Variants in SLC36A1 observed in about 807,000 individuals in gnomAD.
The protein encoded by SLC36A1 is proton-coupled amino acid transporter 1.
A neutral mutation model predicts 47.5 loss-of-function variants in SLC36A1; 30 were observed. The ratio of observed to expected loss-of-function variants is 0.63; its 90% CI spans 0.47 to 0.86. The LOEUF is 0.86. Ranked by LOEUF, SLC36A1 falls within the 40% of genes least tolerant of loss-of-function variation. The pLI is 0.00. For synonymous variants in SLC36A1, 255 were observed against 249.7 expected (o/e 1.02, Z -0.20); for missense variants, 517 against 606.0 (o/e 0.85, Z 1.54).
the SLC36A1 span, among the ~76,000 whole-genome samples, chr5:151,503,468 A>T: frequency 1.3e-5 from 2 of 149,830 alleles, no homozygotes; most frequent in East Asian, 3.9e-4. Context: ...CTTGGAATCA[A>T]ACCTGTTCAA....
intron 7 of SLC36A1, among the ~76,000 whole-genome samples, chr5:151,473,223 T>TAGAA (rs57145322): frequency 0.11 from 14,508 of 133,958 alleles, 1,485 homozygotes; most frequent in Middle Eastern, 0.14. Flanking sequence ...GATAGATAGA[T>TAGAA]AGAATATATA....
the SLC36A1 span, among the ~76,000 whole-genome samples, chr5:151,367,052 A>G: frequency 6.6e-6 from 1 of 152,200 alleles, no homozygotes; most frequent in Admixed American, 6.5e-5. Flanking sequence ...GGGAACAGGA[A>G]AAAGGGCAAA....
chr5:151,514,967 A>AGAT, the SLC36A1 span, among the ~76,000 whole-genome samples: 4 of 152,174 alleles, frequency 2.6e-5, no homozygotes, highest in Non-Finnish European at 5.9e-5. Flanking sequence ...CCTTCTTTAC[A>AGAT]GATGATAATC....
At chr5:151,348,726 T>C in the SLC36A1 span, among the ~76,000 whole-genome samples, 1 of 152,228 alleles carries the variant, frequency 6.6e-6, no homozygotes. Flanking sequence ...GCTTTGTTAG[T>C]TTGTTTTTAC....
chr5:151,553,247 G>T, the SLC36A1 span: 1 of 1,614,226 alleles, frequency 6.2e-7, no homozygotes, highest in Non-Finnish European at 8.5e-7. Flanking sequence ...GGTTCACAGG[G>T]TCCGTCTCCA....
At chr5:151,348,119 C>T in the SLC36A1 span, among the ~76,000 whole-genome samples, 1 of 152,208 alleles carries the variant, frequency 6.6e-6, no homozygotes, top group South Asian at 2.1e-4. Context: ...AAGGGACAGT[C>T]ACTCAGTCAT....
intron 1 of SLC36A1, among the ~76,000 whole-genome samples, chr5:151,453,936 C>A (rs1056350557): frequency 1.3e-5 from 2 of 151,792 alleles, no homozygotes; most frequent in Non-Finnish European, 2.9e-5. Flanking sequence ...GCATCCGTTG[C>A]ACAAAGTGAT....
At chr5:151,494,668 G>A (rs1372916332), downstream of SLC36A1, among the ~76,000 whole-genome samples, 5 of 152,148 alleles carry the variant, frequency 3.3e-5, no homozygotes, top group African/African-American at 7.2e-5. Context: ...TATCTATTGC[G>A]TGGATGAACC....
At chr5:151,371,995 C>T in the SLC36A1 span, among the ~76,000 whole-genome samples, 9 of 152,072 alleles carry the variant, frequency 5.9e-5, no homozygotes, top group South Asian at 2.1e-4. Context: ...TTATTCTACC[C>T]AAAGGAAGAC....
At chr5:151,507,069 T>C in the SLC36A1 span, 1 of 1,237,664 alleles carries the variant, frequency 8.1e-7, no homozygotes, top group East Asian at 2.3e-5. Flanking sequence ...TAGCTAAAAA[T>C]GCCTGTGCCT....
chr5:151,531,969 G>T, the SLC36A1 span: 2 of 1,613,830 alleles, frequency 1.2e-6, no homozygotes, highest in Admixed American at 1.7e-5. The surrounding 1 kb of genome is among the most constrained non-coding windows in gnomAD (Gnocchi z 5.7). Flanking sequence ...GGGCATTGGC[G>T]CCTGGCAGGG....
chr5:151,484,319 T>C (rs1288264208), intron 10 of SLC36A1, among the ~76,000 whole-genome samples: 2 of 152,218 alleles, frequency 1.3e-5, no homozygotes, highest in African/African-American at 4.8e-5. Flanking sequence ...TTTGTGGAGA[T>C]GCTTGTGTGG....
chr5:151,367,374 T>TTTTTTTTTTCC, the SLC36A1 span, among the ~76,000 whole-genome samples: 35 of 145,530 alleles, frequency 2.4e-4, no homozygotes, highest in African/African-American at 7.8e-4. Context: ...TTTTTTTTTT[T>TTTTTTTTTTCC]CCCCAGGGTA....
chr5:151,465,294 T>A, intron 5 of SLC36A1, 125 bp downstream of exon 5: 2 of 768,024 alleles, frequency 2.6e-6, no homozygotes, highest in Admixed American at 4.5e-5. Flanking sequence ...TGCCTTGGGC[T>A]GTGGCTCAGC....
At chr5:151,389,804 A>G in the SLC36A1 span, among the ~76,000 whole-genome samples, 32 of 151,894 alleles carry the variant, frequency 2.1e-4, no homozygotes, top group Admixed American at 2.1e-3. Context: ...AATCCAGTCT[A>G]TCACTGATGG....
chr5:151,510,001 G>A, the SLC36A1 span: 3 of 1,611,490 alleles, frequency 1.9e-6, no homozygotes, highest in South Asian at 1.1e-5. Context: ...CCCATGGCAG[G>A]TGGCCTCTCC....
At position 151,473,729 on chromosome 5, in the gene SLC36A1, C is replaced by T. The variant is rs1173027389; in HGVS notation, c.780C>T (p.Leu260=). ...PLVAPWKTYP[L]FFGTAIFSFE... ...TGGCCCCTTGGAAGACCTACCCTCT[C>T]TTCTTTGGCACAGCGATTTTTTCAT... Residue 260 remains leucine, a synonymous_variant, in exon 8 of 11, where the codon CTC becomes CTT. Transcript: ENST00000243389. 2.5e-6 allele frequency: 4 copies of T among 1,614,112 alleles called. No homozygotes were observed. Among genetic ancestry groups the T allele is most frequent in the Non-Finnish European group, 3.4e-6 (4 of 1,179,974 alleles).
chr5:151,356,402 A>C, the SLC36A1 span, among the ~76,000 whole-genome samples: 4 of 150,526 alleles, frequency 2.7e-5, no homozygotes, highest in East Asian at 7.9e-4. Context: ...GAAAAGTGCT[A>C]CGAGAGAGAG....
intron 2 of SLC36A1, 42 bp from the exon 3 acceptor site, chr5:151,463,511 A>T: frequency 7.1e-7 from 1 of 1,408,050 alleles, no homozygotes; most frequent in Non-Finnish European, 1.0e-6. Flanking sequence ...AATAAAAGTT[A>T]ACTGTCATGG....
Sources: allele counts gnomAD v4.1 joint callset (sites outside exome capture counted in the v4.1 genomes callset), GRCh38; gene constraint gnomAD v4.1.1; non-coding constraint Gnocchi (gnomAD v3.1); transcripts MANE v1.5; gene names NCBI Gene and HGNC (gene_info 2026-07-23, HGNC 2026-07-21).